DLG2: variants seen among roughly 807,000 people sequenced by gnomAD.
DLG2 encodes the protein discs large MAGUK scaffold protein 2.
Under a neutral mutation model 132.5 loss-of-function variants are expected in DLG2, and 45 were observed. The observed-to-expected ratio is 0.34, with a 90% CI of 0.27 to 0.44. The LOEUF (loss-of-function observed/expected upper bound fraction) is 0.44, where lower values mean the gene tolerates loss of function less well. Ranked by LOEUF, DLG2 falls within the 20% of genes least tolerant of loss-of-function variation. DLG2 has a pLI of 1.00. For missense variants in DLG2, 1,045 were observed against 1,196.9 expected (o/e 0.87, Z 1.87); for synonymous variants, 424 against 419.6 (o/e 1.01, Z -0.13).
chr11:84,803,068 T>C (rs2075607525), intron 6 of DLG2, among the ~76,000 whole-genome samples: 1 of 152,162 alleles, frequency 6.6e-6, no homozygotes, highest in South Asian at 2.1e-4. Context: ...CAAAGTTCTG[T>C]GTTTACTGGC....
chr11:84,145,663 T>C (rs905734345), intron 9 of DLG2, among the ~76,000 whole-genome samples: 3 of 152,112 alleles, frequency 2.0e-5, no homozygotes, highest in Admixed American at 6.6e-5. Context: ...GTTTAGATGA[T>C]GTGAGGGCAG....
At chr11:83,959,132 T>C (rs895076177) in intron 14 of DLG2, among the ~76,000 whole-genome samples, 2 of 152,130 alleles carry the variant, frequency 1.3e-5, no homozygotes, top group African/African-American at 2.4e-5. Flanking sequence ...TATCCAAAAC[T>C]TTTTTTATTT....
At chr11:84,530,518 G>A (rs1015477768) in intron 7 of DLG2, among the ~76,000 whole-genome samples, 2 of 152,172 alleles carry the variant, frequency 1.3e-5, no homozygotes, top group Non-Finnish European at 2.9e-5. Context: ...AGAAGCATAT[G>A]AAAAAATGTT....
intron 6 of DLG2, among the ~76,000 whole-genome samples, chr11:85,032,678 A>G (rs1442483007): frequency 1.3e-5 from 2 of 152,234 alleles, no homozygotes; most frequent in Non-Finnish European, 2.9e-5. Flanking sequence ...AGTAAATTAT[A>G]GCCTATCACT....
intron 6 of DLG2, among the ~76,000 whole-genome samples, chr11:84,684,632 C>T (rs2099736445): frequency 6.6e-6 from 1 of 152,174 alleles, no homozygotes; most frequent in Admixed American, 6.5e-5. Context: ...GCCATGTGAC[C>T]TCTGACCAGA....
At chr11:84,277,423 T>A (rs1401051097) in intron 7 of DLG2, among the ~76,000 whole-genome samples, 2 of 152,062 alleles carry the variant, frequency 1.3e-5, no homozygotes, top group Non-Finnish European at 2.9e-5. Flanking sequence ...AACAGAACAA[T>A]CTCTGGAAAC....
intron 2 of DLG2, among the ~76,000 whole-genome samples, chr11:85,615,757 G>GT (rs55895635): frequency 5.3e-5 from 8 of 151,694 alleles, no homozygotes; most frequent in African/African-American, 1.7e-4. Flanking sequence ...GTTATAACCT[G>GT]TTTTTTTTAA....
intron 7 of DLG2, among the ~76,000 whole-genome samples, chr11:84,447,631 G>GAGT (rs2099039204): frequency 6.6e-6 from 1 of 151,946 alleles, no homozygotes; most frequent in African/African-American, 2.4e-5. Context: ...TGAGCCTTAT[G>GAGT]AGTAGTTTTT....
At chr11:85,349,175 G>A (rs569448749) in intron 3 of DLG2, among the ~76,000 whole-genome samples, 5 of 152,166 alleles carry the variant, frequency 3.3e-5, no homozygotes, top group South Asian at 4.2e-4. Context: ...TGAGCAGACT[G>A]TTTGTAGATA....
intron 18 of DLG2, among the ~76,000 whole-genome samples, chr11:83,714,736 T>TAAAACAA (rs1162781502): frequency 7.9e-5 from 12 of 152,220 alleles, no homozygotes; most frequent in Admixed American, 1.3e-4. Context: ...GTTTTATTAT[T>TAAAACAA]ATTATACTTT....
chr11:83,462,162 G>C (rs2090149699), intron 26 of DLG2, 69 bp from the exon 27 acceptor site: 2 of 1,030,826 alleles, frequency 1.9e-6, no homozygotes, highest in Admixed American at 1.8e-5. Context: ...TAAAATGTAT[G>C]GCAAAAATAA....
At chr11:83,816,501 C>T (rs1594854665) in intron 17 of DLG2, among the ~76,000 whole-genome samples, 1 of 146,148 alleles carries the variant, frequency 6.8e-6, no homozygotes, top group Non-Finnish European at 1.6e-5. Flanking sequence ...AGTTTTTTTT[C>T]ACTGGAAAAT....
chr11:83,996,467 A>G (rs1377470671), intron 11 of DLG2, among the ~76,000 whole-genome samples: 1 of 152,100 alleles, frequency 6.6e-6, no homozygotes, highest in Non-Finnish European at 1.5e-5. Context: ...GATCCTACTT[A>G]TGGCTACCGA....
intron 17 of DLG2, chr11:83,790,154 G>T: frequency 1.2e-6 from 1 of 858,346 alleles, no homozygotes; most frequent in Non-Finnish European, 1.9e-6. Context: ...AGGCAGCTGA[G>T]ACCTTGAATA....
chr11:84,540,444 G>A (rs2099365701), intron 6 of DLG2, among the ~76,000 whole-genome samples: 1 of 151,882 alleles, frequency 6.6e-6, no homozygotes, highest in Admixed American at 6.6e-5. Context: ...ATGAAAAAAT[G>A]CTCATCATCA....
chr11:84,921,140 C>G (rs1200760653), intron 6 of DLG2, among the ~76,000 whole-genome samples: 1 of 152,070 alleles, frequency 6.6e-6, no homozygotes, highest in Non-Finnish European at 1.5e-5. Flanking sequence ...TTAGATGAAA[C>G]TTTATTGCAC....
chr11:83,589,306 A>T (rs1326365345), intron 19 of DLG2, among the ~76,000 whole-genome samples: 1 of 148,434 alleles, frequency 6.7e-6, no homozygotes, highest in African/African-American at 2.5e-5. Context: ...CAGAAACCCT[A>T]CAAGCCAGAA....
intron 6 of DLG2, among the ~76,000 whole-genome samples, chr11:85,078,037 C>A (rs749724480): frequency 8.6e-5 from 13 of 151,670 alleles, no homozygotes; most frequent in Non-Finnish European, 1.9e-4. Flanking sequence ...GTATTATTAC[C>A]TTTTTTACAT....
At chr11:84,356,385 G>A (rs2154417099) in intron 7 of DLG2, among the ~76,000 whole-genome samples, 1 of 152,134 alleles carries the variant, frequency 6.6e-6, no homozygotes, top group South Asian at 2.1e-4. Flanking sequence ...AGAAAACTGA[G>A]AACAAACAAA....
Sources: allele counts gnomAD v4.1 joint callset (sites outside exome capture counted in the v4.1 genomes callset), GRCh38; gene constraint gnomAD v4.1.1; transcripts MANE v1.5; gene names NCBI Gene and HGNC (gene_info 2026-07-23, HGNC 2026-07-21).